TRIO: variants seen among roughly 807,000 people sequenced by gnomAD.
TRIO encodes the protein trio Rho guanine nucleotide exchange factor, also known as triple functional domain protein.
In TRIO, 58 loss-of-function variants were observed where a neutral mutation model predicts 351.9. That is an observed-to-expected ratio of 0.16 (90% CI 0.13 to 0.21). TRIO has a LOEUF of 0.21. Among genes scored for constraint, TRIO ranks in the 10% least tolerant of loss-of-function variants. TRIO has a pLI of 1.00. For synonymous variants in TRIO, 1,758 were observed against 1,595.7 expected, an observed-to-expected ratio of 1.10 and a Z score of -2.42; for missense variants, 3,201 against 4,027.8, an observed-to-expected ratio of 0.79 and a Z score of 5.56.
chr5:14,172,569 A>G (rs1046379650), intron 1 of TRIO, among the ~76,000 whole-genome samples: 1 of 152,240 alleles, frequency 6.6e-6, no homozygotes, highest in African/African-American at 2.4e-5. Flanking sequence ...AACTCTAACC[A>G]GGCAGAAACA....
intron 1 of TRIO, among the ~76,000 whole-genome samples, chr5:14,190,828 A>G (rs1461330432): frequency 1.3e-5 from 2 of 152,188 alleles, no homozygotes; most frequent in Admixed American, 6.5e-5. Flanking sequence ...TCTCAGGACA[A>G]ATATACACAC....
intron 1 of TRIO, among the ~76,000 whole-genome samples, chr5:14,212,291 A>AAATTTCC (rs1333828709): frequency 1.3e-5 from 2 of 152,116 alleles, no homozygotes; most frequent in African/African-American, 4.8e-5. Flanking sequence ...AGGACCAGAA[A>AAATTTCC]AATTTCCAGC....
At chr5:14,422,805 T>C (rs970926610) in intron 34 of TRIO, among the ~76,000 whole-genome samples, 8 of 152,262 alleles carry the variant, frequency 5.3e-5, no homozygotes, top group Non-Finnish European at 1.0e-4. Flanking sequence ...AACAAGACTC[T>C]GCTGTGAACA....
chr5:14,456,975 C>G (rs142252644), intron 34 of TRIO, among the ~76,000 whole-genome samples: 88 of 152,230 alleles, frequency 5.8e-4, no homozygotes, highest in African/African-American at 1.9e-3. Flanking sequence ...TAGACATGGG[C>G]TGTTACATTC....
At position 14,297,190 on chromosome 5, in the gene TRIO, C is replaced by T. The variant is rs1249893377; in HGVS notation, c.1295C>T (p.Ala432Val). 3.7e-6 allele frequency: 6 copies of T among 1,614,204 alleles called. No homozygotes were observed. Among genetic ancestry groups the T allele is most frequent in the South Asian group, 1.1e-5 (1 of 91,092 alleles). ...IASQLEQEWK[A>V]FAAALDERST... ...AGTCAGCTGGAGCAGGAGTGGAAGGCGTTTGCGGCAGCCCTGGATGAGCGG... is the reference window on the plus strand; with the variant it reads ...AGTCAGCTGGAGCAGGAGTGGAAGGTGTTTGCGGCAGCCCTGGATGAGCGG... Residue 432 changes from alanine (A) to valine (V), a missense_variant, in exon 7 of 57, where the codon GCG becomes GTG. Coordinates refer to ENST00000344204, the MANE Select transcript of TRIO (RefSeq NM_007118.4).
chr5:14,502,914 T>C (rs183222905), intron 54 of TRIO, among the ~76,000 whole-genome samples: 28 of 152,324 alleles, frequency 1.8e-4, no homozygotes, highest in Admixed American at 5.9e-4. Flanking sequence ...CTTCCCTCTG[T>C]GAATGTGGAA....
chr5:14,168,888 T>G (rs1788933780), intron 1 of TRIO, among the ~76,000 whole-genome samples: 1 of 152,258 alleles, frequency 6.6e-6, no homozygotes, highest in Non-Finnish European at 1.5e-5. Context: ...CCAAGGTCTA[T>G]CTGGCATTCC....
intron 53 of TRIO, among the ~76,000 whole-genome samples, chr5:14,502,234 A>G (rs758821442): frequency 6.6e-5 from 10 of 152,244 alleles, no homozygotes; most frequent in Non-Finnish European, 8.8e-5. Flanking sequence ...AAGAGGCCAC[A>G]TATGCAAGTT....
chr5:14,453,842 C>G (rs920805557), intron 34 of TRIO, among the ~76,000 whole-genome samples: 2 of 152,156 alleles, frequency 1.3e-5, no homozygotes, highest in Non-Finnish European at 2.9e-5. Context: ...GGTGAAAAAG[C>G]AGGACTGAGA....
chr5:14,295,872 C>T (rs1359140406), intron 6 of TRIO, among the ~76,000 whole-genome samples: 6 of 152,214 alleles, frequency 3.9e-5, no homozygotes, highest in Non-Finnish European at 2.9e-5. Context: ...CCTTCAGATG[C>T]AGCCCGGAGA....
rs370366081 is a variant in TRIO at position 14,367,268 on chromosome 5, G to A, written c.2874+289G>A. Among the ~76,000 whole-genome samples the A allele has an allele frequency of 4.1e-4, 63 of 152,278 alleles. 1 individual carries two copies. The highest frequency in any genetic ancestry group is 3.7e-3 in the Admixed American group (57 of 15,310). Reference sequence around the variant, plus strand: ...TTCCTGTTGTTCTCCTGTTGTAGGAGCCCTGGCAAGATGCACTTTCTCTCA... The same window carrying A: ...TTCCTGTTGTTCTCCTGTTGTAGGAACCCTGGCAAGATGCACTTTCTCTCA... On this transcript the variant is annotated intron_variant, in intron 16 of 56. Coordinates refer to ENST00000344204, the MANE Select transcript of TRIO (RefSeq NM_007118.4).
chr5:14,385,127 AG>A (rs1436502898), intron 21 of TRIO, among the ~76,000 whole-genome samples: 2 of 152,116 alleles, frequency 1.3e-5, no homozygotes, highest in African/African-American at 4.8e-5. Context: ...TTGCTGGGGG[AG>A]TGGAGCAGGG....
At chr5:14,488,645 T>C (rs1579808769) in intron 48 of TRIO, 1 of 524,628 alleles carries the variant, frequency 1.9e-6, no homozygotes, top group South Asian at 2.5e-5. Context: ...CTGTACACTT[T>C]AAGCTTTTTG....
At chr5:14,438,613 A>G (rs1561491233) in intron 34 of TRIO, among the ~76,000 whole-genome samples, 2 of 152,098 alleles carry the variant, frequency 1.3e-5, no homozygotes, top group African/African-American at 4.8e-5. Flanking sequence ...CTTCTCCTGA[A>G]CCGAGTCTGT....
chr5:14,436,232 C>A (rs1436635365), intron 34 of TRIO, among the ~76,000 whole-genome samples: 3 of 152,200 alleles, frequency 2.0e-5, no homozygotes, highest in Non-Finnish European at 4.4e-5. Flanking sequence ...TCACATCTTA[C>A]ATGGATGGCA....
rs116275808 is a variant in TRIO at position 14,408,278 on chromosome 5, C to G, written c.4959+1606C>G. 5.5e-3 allele frequency among the ~76,000 whole-genome samples: 837 copies of G among 152,300 alleles called. 10 individuals carry two copies. The highest frequency in any genetic ancestry group is 0.019 in the African/African-American group (800 of 41,546). On this transcript the variant is annotated intron_variant, in intron 33 of 56. Coordinates refer to ENST00000344204, the MANE Select transcript of TRIO (RefSeq NM_007118.4). ...GACGGGAGTCAGTAGATTTAAAATACTGCTCTGCTGCAGTGATTCCATTTT... is the reference window on the plus strand; with the variant it reads ...GACGGGAGTCAGTAGATTTAAAATAGTGCTCTGCTGCAGTGATTCCATTTT...
At chr5:14,401,672 ACT>A (rs1748079075) in intron 31 of TRIO, among the ~76,000 whole-genome samples, 1 of 151,908 alleles carries the variant, frequency 6.6e-6, no homozygotes, top group South Asian at 2.1e-4. Context: ...TTTGATTTGA[ACT>A]CTGTTTTGAT....
At chr5:14,251,362 C>T (rs1265856597) in intron 1 of TRIO, among the ~76,000 whole-genome samples, 1 of 152,204 alleles carries the variant, frequency 6.6e-6, no homozygotes, top group Non-Finnish European at 1.5e-5. Context: ...CACTCACGGG[C>T]AGCACGTAAC....
At chr5:14,470,993 G>C (rs772142424) in intron 37 of TRIO, among the ~76,000 whole-genome samples, 1 of 152,142 alleles carries the variant, frequency 6.6e-6, no homozygotes, top group South Asian at 2.1e-4. Context: ...AAATATGTGT[G>C]ATATGTCCAA....
Sources: gnomAD v4.1 joint callset for allele counts (sites outside exome capture counted in the v4.1 genomes callset) on GRCh38, gnomAD v4.1.1 for gene constraint, MANE v1.5 for transcripts, NCBI Gene and HGNC (gene_info 2026-07-23, HGNC 2026-07-21) for gene names.